TYW1: variants seen among roughly 807,000 people sequenced by gnomAD.
TYW1 encodes tRNA-yW synthesizing protein 1 homolog.
In TYW1, 46 loss-of-function variants were observed where a neutral mutation model predicts 96.2. That is an observed-to-expected ratio of 0.48 (90% CI 0.38 to 0.61). The LOEUF is 0.61. TYW1 is among the 20% of genes least tolerant of loss of function. The pLI, the probability that TYW1 is intolerant of heterozygous loss-of-function variation, is 0.00. For synonymous variants in TYW1, 274 were observed against 323.0 expected, an observed-to-expected ratio of 0.85 and a Z score of 1.63; for missense variants, 684 against 909.6, an observed-to-expected ratio of 0.75 and a Z score of 3.19.
At chr7:67,074,039 G>A (rs1047066760) in intron 10 of TYW1, among the ~76,000 whole-genome samples, 2 of 142,278 alleles carry the variant, frequency 1.4e-5, no homozygotes, top group South Asian at 2.2e-4. Flanking sequence ...CCGAGATCAC[G>A]CCACTGCACT....
In TYW1 at chr7:67,112,993, T is replaced by C. The variant is rs568145316; in HGVS notation, c.1563-4490T>C. On this transcript the variant is annotated intron_variant, in intron 12 of 15. Transcript: ENST00000359626. ...AATTCCATTTGCCATGTTAGAACCA[T>C]GGGGGATAGTTTGTGATTCCTTTAT... is the stretch of plus-strand genomic sequence containing the variant. 9.2e-5 allele frequency among the ~76,000 whole-genome samples: 14 copies of C among 152,280 alleles called. No individual in the cohort carries two copies. In the East Asian group the frequency reaches 2.5e-3, roughly 27 times the overall value.
intron 15 of TYW1, among the ~76,000 whole-genome samples, chr7:67,226,896 CTTCT>C (rs1456498062): frequency 6.6e-6 from 1 of 152,296 alleles, no homozygotes; most frequent in East Asian, 1.9e-4. Context: ...GGTAGCCTCT[CTTCT>C]TTCATCAATA....
chr7:67,144,284 A>C (rs1223965262), intron 13 of TYW1, among the ~76,000 whole-genome samples: 1 of 152,068 alleles, frequency 6.6e-6, no homozygotes, highest in African/African-American at 2.4e-5. Flanking sequence ...AACTACCTAA[A>C]AAATAAGAAA....
chr7:67,001,944 G>GA (rs1376483537), intron 3 of TYW1, among the ~76,000 whole-genome samples: 5 of 151,852 alleles, frequency 3.3e-5, no homozygotes, highest in African/African-American at 9.7e-5. Flanking sequence ...TGAGGCAGAA[G>GA]AATTGCTTGA....
intron 4 of TYW1, among the ~76,000 whole-genome samples, chr7:67,013,490 A>G (rs1793889339): frequency 6.6e-6 from 1 of 152,078 alleles, no homozygotes; most frequent in South Asian, 2.1e-4. Context: ...GACCTAGAAC[A>G]TGGTTCCCCT....
chr7:67,185,729 G>T (rs2844124), intron 14 of TYW1, among the ~76,000 whole-genome samples: 1 of 151,800 alleles, frequency 6.6e-6, no homozygotes, highest in African/African-American at 2.4e-5. Context: ...AGTTTCAGGG[G>T]TAAGATAGGG....
intron 14 of TYW1, among the ~76,000 whole-genome samples, chr7:67,183,680 C>T (rs1799911869): frequency 6.8e-6 from 1 of 146,906 alleles, no homozygotes; most frequent in Non-Finnish European, 1.5e-5. Flanking sequence ...AGAGTTGTTT[C>T]AATTATACCT....
At chr7:67,141,171 A>G (rs377414466) in intron 13 of TYW1, among the ~76,000 whole-genome samples, 2 of 152,150 alleles carry the variant, frequency 1.3e-5, no homozygotes, top group Non-Finnish European at 1.5e-5. Context: ...GGCCTTAGTC[A>G]TTGGTCCCCA....
intron 8 of TYW1, among the ~76,000 whole-genome samples, chr7:67,051,910 G>A (rs1292259270): frequency 6.6e-6 from 1 of 151,850 alleles, no homozygotes; most frequent in Non-Finnish European, 1.5e-5. Flanking sequence ...TTTTTTGCTG[G>A]ATATAGAATT....
At chr7:67,098,237 A>C (rs1298513614) in intron 11 of TYW1, among the ~76,000 whole-genome samples, 1 of 152,232 alleles carries the variant, frequency 6.6e-6, no homozygotes, top group African/African-American at 2.4e-5. Flanking sequence ...AACATGAAAG[A>C]ATGCAAAGCT....
intron 10 of TYW1, among the ~76,000 whole-genome samples, chr7:67,069,072 CT>C (rs201498944): frequency 2.8e-4 from 42 of 151,474 alleles, no homozygotes; most frequent in East Asian, 5.8e-4. Context: ...AGTTATAATT[CT>C]TTTTTTTTCC....
intron 13 of TYW1, among the ~76,000 whole-genome samples, chr7:67,164,465 G>T (rs1458916268): frequency 6.6e-6 from 1 of 152,034 alleles, no homozygotes; most frequent in Admixed American, 6.6e-5. Context: ...AAAAAAATTG[G>T]CTGGATGTGA....
chr7:67,068,804 A>C (rs1217681903), intron 10 of TYW1, among the ~76,000 whole-genome samples: 2 of 152,084 alleles, frequency 1.3e-5, no homozygotes, highest in Non-Finnish European at 2.9e-5. Flanking sequence ...ATCCGCAGTC[A>C]TTTCAAGCTT....
intron 13 of TYW1, among the ~76,000 whole-genome samples, chr7:67,135,159 A>G (rs1248563177): frequency 6.6e-6 from 1 of 151,964 alleles, no homozygotes; most frequent in Non-Finnish European, 1.5e-5. Context: ...GCATATGTAT[A>G]TACAGAGAGA....
chr7:67,015,496 C>T (rs972519332), intron 5 of TYW1, among the ~76,000 whole-genome samples: 7 of 152,100 alleles, frequency 4.6e-5, no homozygotes, highest in South Asian at 2.1e-4. Context: ...GAACTATAGG[C>T]GTGCACCACT....
At chr7:67,201,027 T>C (rs1333280941) in intron 15 of TYW1, among the ~76,000 whole-genome samples, 12 of 152,162 alleles carry the variant, frequency 7.9e-5, no homozygotes, top group South Asian at 2.1e-4. Flanking sequence ...TGTCATTTTC[T>C]CTATTTCCCT....
At chr7:67,123,076 G>A (rs1459132382) in intron 13 of TYW1, among the ~76,000 whole-genome samples, 2 of 152,066 alleles carry the variant, frequency 1.3e-5, no homozygotes, top group Non-Finnish European at 2.9e-5. Context: ...GGATGAGCTC[G>A]TCTCCCTTTC....
intron 9 of TYW1, among the ~76,000 whole-genome samples, chr7:67,062,476 A>T (rs569526740): frequency 6.6e-6 from 1 of 151,048 alleles, no homozygotes; most frequent in African/African-American, 2.4e-5. Flanking sequence ...CTGATTGCAG[A>T]TGTTTTCTGC....
At position 67,224,741 on chromosome 7, in the gene TYW1, C is replaced by T. The variant is rs577197017; in HGVS notation, c.1978-13567C>T. Reference sequence around the variant, plus strand: ...AATGTCTGGTGTCATTCCTTAGTTTCGGAGTCTGCTGATAAATTCAGCAAC... The same window carrying T: ...AATGTCTGGTGTCATTCCTTAGTTTTGGAGTCTGCTGATAAATTCAGCAAC... On this transcript the variant is annotated intron_variant, in intron 15 of 15. Coordinates refer to ENST00000359626, the MANE Select transcript of TYW1 (RefSeq NM_018264.4). Among the ~76,000 whole-genome samples the T allele has an allele frequency of 7.2e-5, 11 of 152,314 alleles. No individual in the cohort carries two copies. In the East Asian group the frequency reaches 1.5e-3, roughly 21 times the overall value.
Sources: allele counts gnomAD v4.1 joint callset (sites outside exome capture counted in the v4.1 genomes callset), GRCh38; gene constraint gnomAD v4.1.1; transcripts MANE v1.5; gene names NCBI Gene and HGNC (gene_info 2026-07-23, HGNC 2026-07-21).